NUP214: variants seen among roughly 807,000 people sequenced by gnomAD.
The protein encoded by NUP214 is nucleoporin 214.
NUP214 carries 79 observed loss-of-function variants against 196.2 expected under a neutral mutation model. The observed-to-expected ratio is 0.40, with a 90% CI of 0.34 to 0.49. The LOEUF (loss-of-function observed/expected upper bound fraction) is 0.49, where lower values mean the gene tolerates loss of function less well. Ranked by LOEUF, NUP214 falls within the 20% of genes least tolerant of loss-of-function variation. The pLI, the probability that NUP214 is intolerant of heterozygous loss-of-function variation, is 0.58. For missense variants in NUP214, 2,468 were observed against 2,539.0 expected (o/e 0.97, Z 0.60); for synonymous variants, 1,020 against 990.5 (o/e 1.03, Z -0.56).
intron 32 of NUP214, among the ~76,000 whole-genome samples, chr9:131,223,230 G>A (rs1212791254): frequency 1.3e-5 from 2 of 151,366 alleles, no homozygotes; most frequent in Admixed American, 6.6e-5. Context: ...GCAATGGTGC[G>A]ATCTCAGCTC....
At chr9:131,192,941 CA>C (rs34653431) in intron 27 of NUP214, among the ~76,000 whole-genome samples, 3,008 of 30,986 alleles carry the variant, frequency 0.097, 3 homozygotes, top group East Asian at 0.22. Flanking sequence ...ACCCCGTCTC[CA>C]AAAAAAAAAA....
At chr9:131,188,508 C>T (rs1307647048) in intron 25 of NUP214, among the ~76,000 whole-genome samples, 2 of 152,196 alleles carry the variant, frequency 1.3e-5, no homozygotes, top group African/African-American at 4.8e-5. Context: ...CTCAAACTTG[C>T]CTCTGTTCCT....
intron 15 of NUP214, 54 bp downstream of exon 15, chr9:131,150,464 G>T: frequency 6.3e-7 from 1 of 1,592,602 alleles, no homozygotes; most frequent in Non-Finnish European, 8.6e-7. Context: ...GACTTGGATG[G>T]GTCAGAGTGC....
intron 4 of NUP214, 113 bp downstream of exon 4, chr9:131,129,590 A>G (rs146879805): frequency 2.9e-6 from 3 of 1,022,282 alleles, no homozygotes; most frequent in Non-Finnish European, 4.4e-6. Flanking sequence ...TTTTTTCATG[A>G]CGAGGGAGGT....
chr9:131,150,530 C>T (rs1307845749), intron 15 of NUP214, 86 bp from the exon 16 acceptor site: 2 of 1,568,322 alleles, frequency 1.3e-6, no homozygotes, highest in African/African-American at 2.7e-5. Context: ...CCCATCCCAG[C>T]AGTCTGAGCA....
chr9:131,160,953 CA>C (rs1467151954), intron 18 of NUP214, among the ~76,000 whole-genome samples: 4 of 152,200 alleles, frequency 2.6e-5, no homozygotes, highest in African/African-American at 7.2e-5. Context: ...CATGTTTAAC[CA>C]TATGGTTTGC....
chr9:131,197,883 C>T lies in NUP214; in HGVS notation c.4389C>T (p.Pro1463=). The change falls in exon 29 of 36, where the codon CCC becomes CCT. Residue 1463 remains proline, a synonymous_variant. Coordinates refer to ENST00000359428, the MANE Select transcript of NUP214 (RefSeq NM_005085.4). Reference sequence around the variant, plus strand: ...CACCACCAACTACAGCTGCCACTCCCCTTCCAACATCATTCCCCACATTGT... The same window carrying T: ...CACCACCAACTACAGCTGCCACTCCTCTTCCAACATCATTCCCCACATTGT... The part of the protein sequence containing the change: ...SAPPPTTAAT[P]LPTSFPTLSF... The T allele has an allele frequency of 6.2e-7, 1 of 1,613,936 alleles. No individual in the cohort carries two copies. Among genetic ancestry groups the T allele is most frequent in the Non-Finnish European group, 8.5e-7 (1 of 1,180,038 alleles).
intron 32 of NUP214, among the ~76,000 whole-genome samples, chr9:131,226,211 T>C (rs1476457830): frequency 6.6e-6 from 1 of 152,186 alleles, no homozygotes. Flanking sequence ...ACCTGGCATA[T>C]AGTGGGCCCT....
intron 17 of NUP214, 118 bp from the exon 18 acceptor site, chr9:131,159,265 C>G: frequency 2.9e-6 from 2 of 697,994 alleles, no homozygotes; most frequent in Non-Finnish European, 4.8e-6. Flanking sequence ...TTCTGTTTTC[C>G]TTGTTCATTA....
chr9:131,183,103 C>CA (rs1833334978), intron 24 of NUP214, among the ~76,000 whole-genome samples: 1 of 152,190 alleles, frequency 6.6e-6, no homozygotes. Context: ...CACTACCCCC[C>CA]AGATGGATTC....
intron 21 of NUP214, among the ~76,000 whole-genome samples, chr9:131,171,195 A>G (rs1832946849): frequency 6.6e-6 from 1 of 152,200 alleles, no homozygotes; most frequent in South Asian, 2.1e-4. Context: ...TCTGTGAGTG[A>G]GCATGCCCAT....
At chr9:131,215,479 G>A (rs1448726129) in intron 31 of NUP214, 111 bp downstream of exon 31, 2 of 1,216,504 alleles carry the variant, frequency 1.6e-6, no homozygotes, top group African/African-American at 3.1e-5. Context: ...AATCTAGAAG[G>A]CTCATTTAAA....
chr9:131,187,988 C>T, intron 25 of NUP214, among the ~76,000 whole-genome samples: 1 of 152,150 alleles, frequency 6.6e-6, no homozygotes, highest in East Asian at 1.9e-4. Flanking sequence ...CTCAGTTAAC[C>T]CATACAACAG....
rs753581297 is a variant in NUP214 at position 131,151,909 on chromosome 9, T to G, written c.2436+15T>G. 1 of 1,569,118 alleles carries G rather than the reference T, an allele frequency of 6.4e-7. No homozygotes were observed. The highest frequency in any genetic ancestry group is 1.2e-5 in the South Asian group (1 of 83,964). ...CTCAGCTTCAGGTAGGAGATCTATG[T>G]AAATCTGTTTAAAAGATTTAAAAAC... On this transcript the variant is annotated intron_variant, in intron 17 of 35. Coordinates refer to ENST00000359428, the MANE Select transcript of NUP214 (RefSeq NM_005085.4).
rs753793035 is a variant in NUP214 at position 131,133,144 on chromosome 9, A to G, written c.766A>G (p.Ile256Val). The stretch of plus-strand genomic sequence containing the variant: ...GTGGATTGGTACCTACGTCTTCGCC[A>G]TAGTGTATGCTGCTGCAGATGGGAC... ...VLWIGTYVFAIVYAAADGTLE... is the reference protein window; with the variant it reads ...VLWIGTYVFAVVYAAADGTLE... The change falls in exon 7 of 36, where the codon ATA becomes GTA. Residue 256 changes from isoleucine (I) to valine (V), a missense_variant. By Grantham distance (29) the Ile-to-Val change is conservative. Around this residue, in one of 5 missense-constraint regions of NUP214, gnomAD observed 392 missense variants for 417.9 expected, o/e 0.94. Transcript: ENST00000359428. 2 of 1,610,758 alleles carry G rather than the reference A, an allele frequency of 1.2e-6. No homozygotes were observed. Among genetic ancestry groups the G allele is most frequent in the Admixed American group, 3.4e-5 (2 of 59,164 alleles).
At chr9:131,201,778 C>T (rs899533522) in intron 30 of NUP214, 61 bp downstream of exon 30, 1 of 1,383,602 alleles carries the variant, frequency 7.2e-7, no homozygotes, top group African/African-American at 1.4e-5. Context: ...GTTTTCTTCA[C>T]TGTAATGTAG....
intron 5 of NUP214, 90 bp downstream of exon 5, chr9:131,130,926 A>G (rs1374291488): frequency 1.8e-5 from 18 of 978,252 alleles, no homozygotes; most frequent in Non-Finnish European, 2.7e-5. Flanking sequence ...TTTTCCTATT[A>G]AAAAGTAATT....
intron 30 of NUP214, among the ~76,000 whole-genome samples, chr9:131,208,991 C>T (rs917953364): frequency 1.3e-5 from 2 of 151,958 alleles, no homozygotes; most frequent in Non-Finnish European, 2.9e-5. Context: ...CCAGCCTGGG[C>T]GACAGAGTGA....
intron 33 of NUP214, chr9:131,229,427 T>A: frequency 3.4e-6 from 1 of 290,874 alleles, no homozygotes; most frequent in Non-Finnish European, 6.7e-6. Context: ...TGCTGTTCTC[T>A]GCAGTGATGA....
Sources: allele counts gnomAD v4.1 joint callset (sites outside exome capture counted in the v4.1 genomes callset), GRCh38; gene constraint gnomAD v4.1.1; regional missense constraint gnomAD v4.1.1; transcripts MANE v1.5; gene names NCBI Gene and HGNC (gene_info 2026-07-23, HGNC 2026-07-21).